The following STK3 variants were observed in gnomAD, a reference collection of about 807,000 sequenced individuals.
STK3 encodes serine/threonine kinase 3.
In STK3, 41 loss-of-function variants were observed where a neutral mutation model predicts 58.0. That is an observed-to-expected ratio of 0.71 (90% CI 0.55 to 0.92). The LOEUF is 0.92. Ranked by LOEUF, STK3 falls within the 40% of genes least tolerant of loss-of-function variation. The pLI, the probability that STK3 is intolerant of heterozygous loss-of-function variation, is 0.00. For synonymous variants in STK3, 170 were observed against 191.0 expected (o/e 0.89, Z 0.91); for missense variants, 479 against 602.7 (o/e 0.79, Z 2.15).
At chr8:98,795,439 T>C (rs1833093876) in intron 1 of STK3, among the ~76,000 whole-genome samples, 1 of 150,964 alleles carries the variant, frequency 6.6e-6, no homozygotes, top group Non-Finnish European at 1.5e-5. Flanking sequence ...AACATCATAC[T>C]GAATAAGCAA....
rs566037418 is a variant in STK3, at chr8:98,460,752, T to C, written c.1318-4752A>G. ...TGGGTTTATGAGGGGCTCTTTCTCC[T>C]TCACTCTCTACTCTCTCCTGCCACC... On this transcript the variant is annotated intron_variant, in intron 10 of 10. Coordinates refer to ENST00000419617, the MANE Select transcript of STK3 (RefSeq NM_006281.4). Among the ~76,000 whole-genome samples, 163 of 152,260 alleles carry C rather than the reference T, an allele frequency of 1.1e-3. 2 individuals are homozygous for C. Among genetic ancestry groups the C allele is most frequent in the Admixed American group, 3.5e-3 (54 of 15,306 alleles).
intron 1 of STK3, among the ~76,000 whole-genome samples, chr8:98,931,355 G>A (rs1250467270): frequency 6.6e-6 from 1 of 152,152 alleles, no homozygotes; most frequent in Non-Finnish European, 1.5e-5. Flanking sequence ...AAAAATGCAA[G>A]CACACAGCTC....
In STK3 at chr8:98,583,141, C is replaced by T. The variant is rs376147321; in HGVS notation, c.823-3352G>A. On this transcript the variant is annotated intron_variant, in intron 7 of 10. Transcript: ENST00000419617. ...ACTTTTTTTTTTAAATAAAAACAGACAATTGAAACATTTTTATTAGGTTAA... is the reference window on the plus strand; with the variant it reads ...ACTTTTTTTTTTAAATAAAAACAGATAATTGAAACATTTTTATTAGGTTAA... Among the ~76,000 whole-genome samples, 8 of 151,602 alleles carry T rather than the reference C, an allele frequency of 5.3e-5. No homozygotes were observed. The East Asian group carries it at 7.8e-4, about 15-fold the overall frequency.
Position 98,588,806 on chromosome 8 carries a change from C to CT in STK3, c.822+7225dup, listed in dbSNP as rs1246460077. Among the ~76,000 whole-genome samples the CT allele has an allele frequency of 2.3e-4, 35 of 152,076 alleles. 2 individuals carry two copies. In the East Asian group the frequency reaches 6.8e-3, roughly 29 times the overall value. Reference sequence around the variant, plus strand: ...GAGGCTTTGCTCATTTCCTTTTATTCTTTTTTCTCTAAACTTCCCTTCTCG... The same window carrying CT: ...GAGGCTTTGCTCATTTCCTTTTATTCTTTTTTTCTCTAAACTTCCCTTCTCG... On this transcript the variant is annotated intron_variant, in intron 7 of 10. Coordinates refer to ENST00000419617, the MANE Select transcript of STK3 (RefSeq NM_006281.4).
intron 10 of STK3, among the ~76,000 whole-genome samples, chr8:98,485,950 C>T (rs911318576): frequency 3.9e-5 from 6 of 152,132 alleles, no homozygotes; most frequent in South Asian, 2.1e-4. Context: ...AGGCAGAGTA[C>T]GACCCATGAC....
At chr8:98,772,703 A>T (rs1462943787) in intron 2 of STK3, among the ~76,000 whole-genome samples, 6 of 152,026 alleles carry the variant, frequency 3.9e-5, no homozygotes, top group Admixed American at 3.3e-4. Context: ...TCTCAAAAAA[A>T]TTTTAAAATA....
chr8:98,700,626 C>T lies in STK3; in HGVS notation c.684+5841G>A, dbSNP rs564417041. Reference sequence around the variant, plus strand: ...TGCCTCCAATTATCTCCTTAAATCACATTTGACATAAATCTTCCAAAATAC... The same window carrying T: ...TGCCTCCAATTATCTCCTTAAATCATATTTGACATAAATCTTCCAAAATAC... On this transcript the variant is annotated intron_variant, in intron 6 of 10. Coordinates refer to ENST00000419617, the MANE Select transcript of STK3 (RefSeq NM_006281.4). Among the ~76,000 whole-genome samples, 9 of 152,320 alleles carry T rather than the reference C, an allele frequency of 5.9e-5. No homozygotes were observed. The South Asian group carries it at 1.9e-3, about 32-fold the overall frequency.
At chr8:98,576,728 T>C (rs1813421299) in intron 8 of STK3, among the ~76,000 whole-genome samples, 2 of 152,204 alleles carry the variant, frequency 1.3e-5, no homozygotes, top group African/African-American at 4.8e-5. Context: ...GTTTTGTGGT[T>C]GATGCTGTAC....
At chr8:98,605,853 T>C (rs964133028) in intron 6 of STK3, among the ~76,000 whole-genome samples, 3 of 152,166 alleles carry the variant, frequency 2.0e-5, no homozygotes, top group South Asian at 4.1e-4. Flanking sequence ...GTTCTCATGA[T>C]AGTGAGTTAT....
intron 10 of STK3, among the ~76,000 whole-genome samples, chr8:98,519,861 G>A (rs1016582891): frequency 6.6e-6 from 1 of 152,078 alleles, no homozygotes; most frequent in African/African-American, 2.4e-5. Flanking sequence ...TATTCAGTAT[G>A]AGTCACAACC....
intron 3 of STK3, among the ~76,000 whole-genome samples, chr8:98,843,930 T>G (rs1200696641): frequency 6.6e-6 from 1 of 152,054 alleles, no homozygotes; most frequent in Non-Finnish European, 1.5e-5. Flanking sequence ...GGAGGCCGAG[T>G]GGGAGTATCG....
At chr8:98,418,390 C>A (rs979311369) in intron 3 of STK3, among the ~76,000 whole-genome samples, 1 of 152,190 alleles carries the variant, frequency 6.6e-6, no homozygotes, top group African/African-American at 2.4e-5. Context: ...TTTCAGAAAA[C>A]CCAGAGCCAA....
At chr8:98,559,732 G>A (rs1159596125) in intron 8 of STK3, among the ~76,000 whole-genome samples, 2 of 152,212 alleles carry the variant, frequency 1.3e-5, no homozygotes, top group South Asian at 2.1e-4. Flanking sequence ...AATACGCCTT[G>A]GAGAGAATAC....
chr8:98,921,989 C>A (rs932511217), intron 1 of STK3, among the ~76,000 whole-genome samples: 1 of 152,176 alleles, frequency 6.6e-6, no homozygotes, highest in African/African-American at 2.4e-5. Flanking sequence ...CCACCACGCC[C>A]GGCCTATCAA....
At chr8:98,742,031 G>T (rs1164386661) in intron 4 of STK3, among the ~76,000 whole-genome samples, 1 of 152,002 alleles carries the variant, frequency 6.6e-6, no homozygotes, top group East Asian at 1.9e-4. Context: ...ACTAAACCAG[G>T]AAGAAGTTGA....
At chr8:98,565,672 G>A (rs545505318) in intron 8 of STK3, among the ~76,000 whole-genome samples, 106 of 152,066 alleles carry the variant, frequency 7.0e-4, no homozygotes, top group African/African-American at 2.0e-3. Context: ...CAACACTACC[G>A]TAGAATGCTC....
At chr8:98,876,781 T>G (rs1347904955) in intron 3 of STK3, among the ~76,000 whole-genome samples, 1 of 152,262 alleles carries the variant, frequency 6.6e-6, no homozygotes, top group Non-Finnish European at 1.5e-5. Flanking sequence ...TCTCTCTGTT[T>G]CAGCTTCTCC....
intron 3 of STK3, among the ~76,000 whole-genome samples, chr8:98,752,733 A>C (rs1830057956): frequency 6.6e-6 from 1 of 152,026 alleles, no homozygotes; most frequent in Non-Finnish European, 1.5e-5. Flanking sequence ...AGCAGCTATA[A>C]GGAACTTAAA....
downstream of STK3, chr8:98,882,292 G>A (rs981279202): frequency 6.6e-6 from 1 of 151,812 alleles, no homozygotes; most frequent in African/African-American, 2.4e-5. Context: ...AGATGTATAT[G>A]TTTATGGGTT....
Sources: gnomAD v4.1 joint callset for allele counts (sites outside exome capture counted in the v4.1 genomes callset) on GRCh38, gnomAD v4.1.1 for gene constraint, MANE v1.5 for transcripts, NCBI Gene and HGNC (gene_info 2026-07-23, HGNC 2026-07-21) for gene names.